Variants in SUN1 observed in about 807,000 individuals in gnomAD.
The protein encoded by SUN1 is SUN domain-containing protein 1.
A neutral mutation model predicts 103.2 loss-of-function variants in SUN1; 61 were observed. The ratio of observed to expected loss-of-function variants is 0.59; its 90% CI spans 0.48 to 0.73. The LOEUF (loss-of-function observed/expected upper bound fraction) is 0.73, where lower values mean the gene tolerates loss of function less well. SUN1 is among the 30% of genes least tolerant of loss of function. The pLI is 0.00. For missense variants in SUN1, 1,052 were observed against 1,034.6 expected, an observed-to-expected ratio of 1.02 and a Z score of -0.23; for synonymous variants, 490 against 425.7, an observed-to-expected ratio of 1.15 and a Z score of -1.86.
chr7:847,918 C>G, intron 5 of SUN1, among the ~76,000 whole-genome samples: 1 of 151,226 alleles, frequency 6.6e-6, no homozygotes, highest in East Asian at 2.0e-4. Flanking sequence ...GGGGGTTACT[C>G]CACAGTCCAG....
At chr7:827,415 C>G (rs1584012095) in intron 1 of SUN1, among the ~76,000 whole-genome samples, 1 of 150,982 alleles carries the variant, frequency 6.6e-6, no homozygotes, top group East Asian at 2.0e-4. Flanking sequence ...TACAGATATT[C>G]TGAATAGTAG....
At chr7:868,445 G>A (rs754837683) in intron 16 of SUN1, 4 of 300,422 alleles carry the variant, frequency 1.3e-5, no homozygotes, top group African/African-American at 4.5e-5. Flanking sequence ...AGGTTAGAAC[G>A]TGCATTTTCC....
At chr7:848,492 G>C in intron 5 of SUN1, 1 of 1,364,338 alleles carries the variant, frequency 7.3e-7, no homozygotes, top group Non-Finnish European at 9.8e-7. Flanking sequence ...ATCATTTTTA[G>C]TTCAACTTTT....
intron 16 of SUN1, chr7:868,416 G>A (rs957141374): frequency 7.1e-6 from 2 of 281,504 alleles, no homozygotes; most frequent in Non-Finnish European, 1.4e-5. Flanking sequence ...GGGGCTGCAG[G>A]CTGCACCGTG....
At chr7:864,969 T>G (rs1436618930) in intron 15 of SUN1, among the ~76,000 whole-genome samples, 1 of 151,808 alleles carries the variant, frequency 6.6e-6, no homozygotes, top group African/African-American at 2.4e-5. Flanking sequence ...ATCCCCACTT[T>G]CCCTGAGCCC....
At chr7:869,204 C>T (rs1022621935) in intron 16 of SUN1, 145 bp from the exon 17 acceptor site, 1 of 1,009,440 alleles carries the variant, frequency 9.9e-7, no homozygotes. Context: ...ATGCCTTTCC[C>T]AGCTTATCTT....
chr7:828,303 A>C (rs150449597), upstream of SUN1, among the ~76,000 whole-genome samples: 151 of 151,244 alleles, frequency 1.0e-3, 1 homozygote, highest in African/African-American at 3.5e-3. Flanking sequence ...ACAGAGTCTC[A>C]CTCTGTCACC....
At chr7:842,169 TGGG>T in intron 3 of SUN1, 39 bp downstream of exon 3, 3 of 1,597,296 alleles carry the variant, frequency 1.9e-6, no homozygotes, top group Non-Finnish European at 2.6e-6. Flanking sequence ...CGCCTACAGT[TGGG>T]GTGTTTCTCA....
At chr7:861,815 G>C (rs1832469241) in intron 15 of SUN1, among the ~76,000 whole-genome samples, 1 of 152,234 alleles carries the variant, frequency 6.6e-6, no homozygotes, top group South Asian at 2.1e-4. Flanking sequence ...CTCTCCCCGA[G>C]GGCGTCCACT....
At chr7:847,351 G>A (rs868268471) in intron 5 of SUN1, among the ~76,000 whole-genome samples, 8 of 148,226 alleles carry the variant, frequency 5.4e-5, no homozygotes, top group African/African-American at 1.5e-4. Context: ...ACCCCGCAGC[G>A]CCCTCTCTGG....
intron 13 of SUN1, among the ~76,000 whole-genome samples, chr7:859,800 C>T (rs1830769258): frequency 1.3e-5 from 2 of 152,190 alleles, no homozygotes; most frequent in South Asian, 4.1e-4. Flanking sequence ...CTCCGATGCA[C>T]CTGTGCGCCT....
intron 5 of SUN1, 21 bp from the exon 6 acceptor site, chr7:851,361 CCA>C (rs1313116032): frequency 6.4e-7 from 1 of 1,561,670 alleles, no homozygotes; most frequent in Non-Finnish European, 8.7e-7. Flanking sequence ...CTGTCTGAGG[CCA>C]CACACGTCTT....
intron 11 of SUN1, among the ~76,000 whole-genome samples, chr7:856,001 G>A (rs768698054): frequency 1.3e-5 from 2 of 152,236 alleles, no homozygotes; most frequent in Non-Finnish European, 2.9e-5. Context: ...GGATGGCACA[G>A]GCCAGCACGG....
At chr7:831,492 G>A (rs951918869), upstream of SUN1, among the ~76,000 whole-genome samples, 4 of 152,060 alleles carry the variant, frequency 2.6e-5, no homozygotes, top group African/African-American at 7.2e-5. Flanking sequence ...GGATGGTCTC[G>A]ATCTCCTGAC....
rs199830985 is a variant in SUN1, at chr7:861,364, C to G, written c.1780-16C>G. ...CTGTTCTGGTGTTTGGTCTTCCGTC[C>G]CTCGTGTCTGTCCAGCAAGCACGTG... is the stretch of plus-strand genomic sequence containing the variant. On this transcript the variant is annotated splice_polypyrimidine_tract_variant and intron_variant, in intron 14 of 18. Coordinates refer to ENST00000401592, the MANE Select transcript of SUN1 (RefSeq NM_001130965.3). 6 of 1,614,060 alleles carry G rather than the reference C, an allele frequency of 3.7e-6. No homozygotes were observed. The highest frequency in any genetic ancestry group is 8.5e-7 in the Non-Finnish European group (1 of 1,179,982).
At chr7:852,173 A>G in intron 7 of SUN1, 130 bp downstream of exon 7, 1 of 857,260 alleles carries the variant, frequency 1.2e-6, no homozygotes, top group Non-Finnish European at 1.8e-6. Flanking sequence ...ATATTTTACA[A>G]AAGTGCTTTT....
chr7:819,857 C>T (rs755902817), intron 1 of SUN1, among the ~76,000 whole-genome samples: 8 of 152,098 alleles, frequency 5.3e-5, no homozygotes, highest in South Asian at 2.1e-4. Flanking sequence ...TACAGGCGCC[C>T]GCCACCACAC....
chr7:846,910 C>T (rs753627690), intron 5 of SUN1, among the ~76,000 whole-genome samples: 35 of 151,886 alleles, frequency 2.3e-4, no homozygotes, highest in Non-Finnish European at 3.5e-4. Flanking sequence ...GCTACTTGGG[C>T]GGCTGAGGCA....
At chr7:845,149 T>G (rs185707209) in intron 5 of SUN1, among the ~76,000 whole-genome samples, 182 of 152,258 alleles carry the variant, frequency 1.2e-3, no homozygotes, top group Non-Finnish European at 2.2e-3. Flanking sequence ...ACGCGTGTTG[T>G]AGTAAATGTG....
Sources: gnomAD v4.1 joint callset for allele counts (sites outside exome capture counted in the v4.1 genomes callset) on GRCh38, gnomAD v4.1.1 for gene constraint, MANE v1.5 for transcripts, NCBI Gene and HGNC (gene_info 2026-07-23, HGNC 2026-07-21) for gene names.